The following GNAS variants were observed in gnomAD, a reference collection of about 807,000 sequenced individuals.
GNAS encodes the protein protein ALEX.
A neutral mutation model predicts 54.5 loss-of-function variants in GNAS; 8 were observed. The observed-to-expected ratio is 0.15, with a 90% CI of 0.09 to 0.26. GNAS has a LOEUF of 0.26. GNAS is among the 10% of genes least tolerant of loss of function. The pLI, the probability that GNAS is intolerant of heterozygous loss-of-function variation, is 1.00. For synonymous variants in GNAS, 204 were observed against 191.4 expected, an observed-to-expected ratio of 1.07 and a Z score of -0.54; for missense variants, 170 against 529.8, an observed-to-expected ratio of 0.32 and a Z score of 6.67.
chr20:58,898,603 AGATAAATCACTGC>A, intron 2 of GNAS: 1 of 398,850 alleles, frequency 2.5e-6, no homozygotes, highest in Non-Finnish European at 4.6e-6. Context: ...AAGAATTGTG[AGATAAATCACTGC>A]TTTAGCTCCC....
At position 58,891,421 on chromosome 20, in the gene GNAS, A is replaced by G. The variant is rs1398739694; in HGVS notation, c.-306A>G. The G allele has an allele frequency of 5.5e-6, 2 of 364,590 alleles. No homozygotes were observed. The highest frequency in any genetic ancestry group is 7.4e-6 in the Non-Finnish European group (2 of 269,132). The allele number at this position is 364,590 out of a possible 1,614,324, so 22.6% of individuals were successfully genotyped here. A position where few individuals can be genotyped will look rare whatever the true frequency, so the allele number is the denominator to read the frequency against. ...GAGCGGCGGCGGCGGCAGCGGCGGCAGCAGCTCCCGCAGCTCCTGCTCTGG... is the reference window on the plus strand; with the variant it reads ...GAGCGGCGGCGGCGGCAGCGGCGGCGGCAGCTCCCGCAGCTCCTGCTCTGG... On this transcript the variant is annotated 5_prime_UTR_variant, in exon 1 of 13. Transcript: ENST00000371085.
In GNAS at chr20:58,910,437, C is replaced by G. The variant is rs2146301328; in HGVS notation, c.1038+36C>G. On this transcript the variant is annotated intron_variant, in intron 12 of 12. Coordinates refer to ENST00000371085, the MANE Select transcript of GNAS (RefSeq NM_000516.7). This position sits in a 1 kb window ranked among gnomAD's most constrained non-coding sequence, Gnocchi z 5.8. ...CCTGTCTTTAGTTTCCTCTCTTGTT[C>G]CTCCTCTTTTTCTCATGGATGTAAA... 6.8e-7 allele frequency: 1 copy of G among 1,478,360 alleles called. No homozygotes were observed. Among genetic ancestry groups the G allele is most frequent in the Non-Finnish European group, 9.5e-7 (1 of 1,056,396 alleles). 91.6% of individuals were successfully genotyped at this position (1,478,360 alleles called of 1,614,324 possible).
intron 3 of GNAS, chr20:58,899,521 G>T: frequency 1.8e-6 from 1 of 546,138 alleles, no homozygotes; most frequent in South Asian, 1.4e-5. Flanking sequence ...TTTTAAAAAT[G>T]ATCAAATTTA....
chr20:58,852,973 A>G, intron 1 of GNAS: 1 of 1,142,742 alleles, frequency 8.8e-7, no homozygotes, highest in Non-Finnish European at 1.1e-6. Flanking sequence ...AAGAGAGAGG[A>G]GGGCGTAAGG....
chr20:58,873,530 G>A lies in GNAS; in HGVS notation c.44-22082G>A, dbSNP rs1358574069. Reference sequence around the variant, plus strand: ...GCACATGTACCCATTTTTTCTCACTGATAAGTTATTTCCTAATTTTTTGGT... The same window carrying A: ...GCACATGTACCCATTTTTTCTCACTAATAAGTTATTTCCTAATTTTTTGGT... On this transcript the variant is annotated intron_variant, in intron 1 of 12. Coordinates refer to the GNAS transcript ENST00000306090. The surrounding 1 kb of genome is among the most constrained non-coding windows in gnomAD (Gnocchi z 4.3). Among the ~76,000 whole-genome samples, 1 of 152,092 alleles carries A rather than the reference G, an allele frequency of 6.6e-6. No homozygotes were observed. The highest frequency in any genetic ancestry group is 1.5e-5 in the Non-Finnish European group (1 of 68,014).
At chr20:58,898,644 G>GT (rs1204057774) in intron 2 of GNAS, 1 of 541,654 alleles carries the variant, frequency 1.8e-6, no homozygotes, top group Non-Finnish European at 3.3e-6. Flanking sequence ...TGTACGTTTA[G>GT]TGAAAGCACA....
chr20:58,841,624 C>T lies in GNAS; in HGVS notation c.43+738C>T. 9.4e-7 allele frequency: 1 copy of T among 1,067,552 alleles called. No homozygotes were observed. The highest frequency in any genetic ancestry group is 1.1e-6 in the Non-Finnish European group (1 of 883,386). 66.1% of individuals were successfully genotyped at this position (1,067,552 alleles called of 1,614,324 possible). On this transcript the variant is annotated intron_variant, in intron 1 of 12. Coordinates refer to the GNAS transcript ENST00000306090. The surrounding 1 kb of genome is among the most constrained non-coding windows in gnomAD (Gnocchi z 5.0). The stretch of plus-strand genomic sequence containing the variant: ...AGCGTGCGCACCTGCCCGCGCGCGC[C>T]GGAGCTGACCTCTCCCGGCGGCGGG...
chr20:58,900,957 G>A (rs1043863174), intron 3 of GNAS, among the ~76,000 whole-genome samples: 1 of 152,124 alleles, frequency 6.6e-6, no homozygotes, highest in Non-Finnish European at 1.5e-5. Context: ...CAAAATATCC[G>A]TATTTTAAGA....
Position 58,909,187 on chromosome 20 carries a change from A to C in GNAS, c.556A>C (p.Lys186Gln). The part of the protein sequence containing the change: ...QYFLDKIDVI[K>Q]QADYVPSDQD... ...CTTCCTGGACAAGATCGACGTGATC[A>C]AGCAGGCTGACTATGTGCCGAGCGA... The change falls in exon 7 of 13, where the codon AAG becomes CAG. Residue 186 changes from lysine to glutamine, a missense_variant. Coordinates refer to ENST00000371085, the MANE Select transcript of GNAS (RefSeq NM_000516.7). This position sits in a 1 kb window ranked among gnomAD's most constrained non-coding sequence, Gnocchi z 7.3. The C allele has an allele frequency of 6.2e-7, 1 of 1,614,170 alleles. No homozygotes were observed. Among genetic ancestry groups the C allele is most frequent in the Non-Finnish European group, 8.5e-7 (1 of 1,179,982 alleles).
rs562375449 is a variant in GNAS at position 58,895,868 on chromosome 20, C to T, written c.212+184C>T. 1.6e-3 allele frequency among the ~76,000 whole-genome samples: 239 copies of T among 152,174 alleles called. 1 individual carries two copies. Among genetic ancestry groups the T allele is most frequent in the African/African-American group, 5.4e-3 (226 of 41,524 alleles). ...TCCCTCACCCCCCACCCCCTTGGAT[C>T]TTTGGTGCAACAAATACTACTGATG... On this transcript the variant is annotated intron_variant, in intron 2 of 12. Transcript: ENST00000371085.
chr20:58,903,090 A>G (rs1448543277), intron 3 of GNAS: 4 of 336,484 alleles, frequency 1.2e-5, no homozygotes, highest in Non-Finnish European at 2.3e-5. Flanking sequence ...TTCTCTCAGT[A>G]TGCTAGCAAC....
intron 1 of GNAS, chr20:58,854,864 C>G (rs1395965985): frequency 6.3e-7 from 1 of 1,596,680 alleles, no homozygotes; most frequent in Non-Finnish European, 8.5e-7. Context: ...CCCCCAGCCC[C>G]GAGATCCAGG....
upstream of GNAS, chr20:58,840,246 C>A: frequency 6.2e-7 from 1 of 1,611,338 alleles, no homozygotes; most frequent in Non-Finnish European, 8.5e-7. This position sits in a 1 kb window ranked among gnomAD's most constrained non-coding sequence, Gnocchi z 6.0. Context: ...GCCCTTGCCA[C>A]CTCCAACGCC....
chr20:58,852,300 G>T (rs1392868996), intron 1 of GNAS, among the ~76,000 whole-genome samples: 1 of 152,152 alleles, frequency 6.6e-6, no homozygotes, highest in Non-Finnish European at 1.5e-5. Context: ...GCCAACCTCA[G>T]CAAGTGACAA....
intron 6 of GNAS, among the ~76,000 whole-genome samples, chr20:58,908,077 A>G (rs1022820132): frequency 6.6e-6 from 1 of 152,208 alleles, no homozygotes; most frequent in Non-Finnish European, 1.5e-5. Context: ...TATATCCTCT[A>G]AGCCAGACTA....
chr20:58,855,488 C>G, intron 1 of GNAS: 6 of 768,928 alleles, frequency 7.8e-6, no homozygotes, highest in Non-Finnish European at 9.2e-6. Context: ...GGGAGGGACC[C>G]TAACTGCCCT....
chr20:58,903,825 C>T (rs981061671), intron 5 of GNAS, 34 bp downstream of exon 5: 2 of 1,613,016 alleles, frequency 1.2e-6, no homozygotes, highest in South Asian at 2.2e-5. Context: ...GGCCTTAGCC[C>T]CGCCCACCTG....
upstream of GNAS, chr20:58,889,229 G>A: frequency 8.3e-7 from 1 of 1,206,744 alleles, no homozygotes; most frequent in South Asian, 1.4e-5. Context: ...TGGCCGGCGC[G>A]GCGCTCCCCT....
chr20:58,891,032 C>T (rs1389510150), upstream of GNAS, among the ~76,000 whole-genome samples: 3 of 150,762 alleles, frequency 2.0e-5, no homozygotes, highest in Middle Eastern at 3.2e-3. Context: ...CGACGCGGTC[C>T]GGGGGGTGGA....
Sources: allele counts gnomAD v4.1 joint callset (sites outside exome capture counted in the v4.1 genomes callset), GRCh38; gene constraint gnomAD v4.1.1; non-coding constraint Gnocchi (gnomAD v3.1); transcripts MANE v1.5; gene names NCBI Gene and HGNC (gene_info 2026-07-23, HGNC 2026-07-21).